Variants in HMX1 observed in about 807,000 individuals in gnomAD.
The protein encoded by HMX1 is homeobox protein HMX1.
HMX1 carries 8 observed loss-of-function variants against 8.9 expected under a neutral mutation model. That is an observed-to-expected ratio of 0.90 (90% CI 0.53 to 1.63). The LOEUF (loss-of-function observed/expected upper bound fraction) is 1.63. HMX1 is among the 40% of genes most tolerant of loss of function. The pLI is 0.00. For missense variants in HMX1, 621 were observed against 558.5 expected (o/e 1.11, Z -1.13); for synonymous variants, 311 against 283.4 (o/e 1.10, Z -0.98).
Position 8,868,325 on chromosome 4 carries a change from C to T in HMX1, c.415G>A (p.Glu139Lys). The T allele has an allele frequency of 7.1e-7, 1 of 1,409,872 alleles. No individual in the cohort carries two copies. The highest frequency in any genetic ancestry group is 9.2e-7 in the Non-Finnish European group (1 of 1,089,920). The allele number at this position is 1,409,872 out of a possible 1,614,324, so 87.3% of individuals were successfully genotyped here. The change falls in exon 2 of 2, where the codon GAG (glutamate) becomes AAG (lysine). Residue 139 changes from glutamate to lysine, a missense_variant. Transcript: ENST00000400677. This position sits in a 1 kb window ranked among gnomAD's most constrained non-coding sequence, Gnocchi z 4.6. ...GCACGGCCCATCTCCTCGCCCGTCT[C>T]CGGTGAGTCCCGGTCGCTGGCTGCA... ...SPDTSDRDSPETGEEMGRAEG... is the reference protein window; with the variant it reads ...SPDTSDRDSPKTGEEMGRAEG...
chr4:8,867,612 C>T lies in HMX1; in HGVS notation c.*81G>A, dbSNP rs1035397031. 1.4e-5 allele frequency: 17 copies of T among 1,196,086 alleles called. No individual in the cohort carries two copies. Among genetic ancestry groups the T allele is most frequent in the Non-Finnish European group, 1.8e-5 (17 of 964,634 alleles). 74.1% of individuals were successfully genotyped at this position (1,196,086 alleles called of 1,614,324 possible). A position where few individuals can be genotyped will look rare whatever the true frequency, so the allele number is the denominator to read the frequency against. Reference sequence around the variant, plus strand: ...GAGCGACCATCCCTTCCCTAACGCCCCCTGAGCCCTGCGCCTGCCGCTGAA... The same window carrying T: ...GAGCGACCATCCCTTCCCTAACGCCTCCTGAGCCCTGCGCCTGCCGCTGAA... On this transcript the variant is annotated 3_prime_UTR_variant, in exon 2 of 2. Coordinates refer to ENST00000400677, the MANE Select transcript of HMX1 (RefSeq NM_018942.3).
Position 8,871,483 on chromosome 4 carries a change from G to A in HMX1, c.132C>T (p.Asp44=), listed in dbSNP as rs1577202484. The change falls in exon 1 of 2, where the codon GAC becomes GAT. Residue 44 remains aspartate, a synonymous_variant. Coordinates refer to ENST00000400677, the MANE Select transcript of HMX1 (RefSeq NM_018942.3). This position sits in a 1 kb window ranked among gnomAD's most constrained non-coding sequence, Gnocchi z 4.8. ...CGGGGTCGTCGTCGTCCTCCTCCTC[G>A]TCCTCCCGGCTGCCGTCGCCCTGGG... ...RATQGDGSRE[D]EEEDDDDPED... is the part of the protein sequence containing the mutation. 6.7e-6 allele frequency: 9 copies of A among 1,337,776 alleles called. No individual in the cohort carries two copies. The East Asian group carries it at 2.6e-4, about 38-fold the overall frequency. 82.9% of individuals were successfully genotyped at this position (1,337,776 alleles called of 1,614,324 possible).
At chr4:8,851,342 C>T (rs1275543197) in intron 1 of HMX1, among the ~76,000 whole-genome samples, 1 of 152,192 alleles carries the variant, frequency 6.6e-6, no homozygotes, top group Non-Finnish European at 1.5e-5. Flanking sequence ...TTGGGAGAGA[C>T]CCAGGCCCTC....
intron 1 of HMX1, among the ~76,000 whole-genome samples, chr4:8,857,642 G>A (rs891168600): frequency 1.3e-5 from 2 of 152,244 alleles, no homozygotes; most frequent in South Asian, 4.1e-4. Context: ...AGCACGCAGG[G>A]GTCTCCCAGC....
Position 8,868,714 on chromosome 4 carries a change from G to C in HMX1, c.395-369C>G, listed in dbSNP as rs1560184988. Among the ~76,000 whole-genome samples, 1 of 152,082 alleles carries C rather than the reference G, an allele frequency of 6.6e-6. No individual in the cohort carries two copies. The highest frequency in any genetic ancestry group is 1.5e-5 in the Non-Finnish European group (1 of 68,012). ...CACTCCCCACTCCCAGCTGCACCAC[G>C]GGCGGCCCGGAAAAACACACAAACC... On this transcript the variant is annotated intron_variant, in intron 1 of 1. Coordinates refer to ENST00000400677, the MANE Select transcript of HMX1 (RefSeq NM_018942.3). The surrounding 1 kb of genome is among the most constrained non-coding windows in gnomAD (Gnocchi z 4.6).
chr4:8,856,680 TGAA>T (rs1233786365), intron 1 of HMX1, among the ~76,000 whole-genome samples: 1 of 152,260 alleles, frequency 6.6e-6, no homozygotes, highest in Non-Finnish European at 1.5e-5. Context: ...CTTCCCATTT[TGAA>T]GAAGGAGGGG....
chr4:8,866,841 C>G (rs570970652), downstream of HMX1, among the ~76,000 whole-genome samples: 1 of 152,214 alleles, frequency 6.6e-6, no homozygotes, highest in Non-Finnish European at 1.5e-5. Context: ...TCCCTACTCC[C>G]GGCTCCTGGC....
In HMX1 at chr4:8,868,065, C is replaced by G; in HGVS notation, c.675G>C (p.Lys225Asn). 6.5e-7 allele frequency: 1 copy of G among 1,540,262 alleles called. No homozygotes were observed. Among genetic ancestry groups the G allele is most frequent in the Middle Eastern group, 1.7e-4 (1 of 5,898 alleles). ...VFQLESTFDLKRYLSSAERAG... is the reference protein window; with the variant it reads ...VFQLESTFDLNRYLSSAERAG... The stretch of plus-strand genomic sequence containing the variant: ...CGCGCTCGGCGCTGCTCAGGTAGCG[C>G]TTCAGGTCGAAGGTGGATTCCAGCT... Residue 225 changes from lysine (K) to asparagine (N), a missense_variant, in exon 2 of 2, where the codon AAG becomes AAC. Lys to Asn is a moderately conservative substitution (Grantham distance 94). Coordinates refer to ENST00000400677, the MANE Select transcript of HMX1 (RefSeq NM_018942.3). This position sits in a 1 kb window ranked among gnomAD's most constrained non-coding sequence, Gnocchi z 4.6.
intron 1 of HMX1, among the ~76,000 whole-genome samples, chr4:8,869,628 T>C (rs1053807269): frequency 2.0e-5 from 3 of 152,190 alleles, no homozygotes; most frequent in African/African-American, 7.2e-5. Flanking sequence ...CCAATCCCCA[T>C]GGTGTGTGCC....
Position 8,868,775 on chromosome 4 carries a change from C to T in HMX1, c.395-430G>A, listed in dbSNP as rs1334228803. On this transcript the variant is annotated intron_variant, in intron 1 of 1. Transcript: ENST00000400677. The surrounding 1 kb of genome is among the most constrained non-coding windows in gnomAD (Gnocchi z 4.6). ...GTCCCGGGACAAGAGGAAAGATGTC[C>T]TTCCGAGAAATGTTCACACCGAAAA... 1.3e-5 allele frequency among the ~76,000 whole-genome samples: 2 copies of T among 152,160 alleles called. No homozygotes were observed. The highest frequency in any genetic ancestry group is 2.9e-5 in the Non-Finnish European group (2 of 68,032).
chr4:8,852,090 G>C (rs185044370), intron 1 of HMX1, among the ~76,000 whole-genome samples: 1 of 152,234 alleles, frequency 6.6e-6, no homozygotes. Flanking sequence ...CCAAGCCCCG[G>C]CTCTGGCTCC....
chr4:8,861,672 G>A (rs1184302525), intron 1 of HMX1, among the ~76,000 whole-genome samples: 1 of 152,198 alleles, frequency 6.6e-6, no homozygotes, highest in African/African-American at 2.4e-5. Flanking sequence ...CGGGCGGTTG[G>A]CGAAACCCGA....
downstream of HMX1, among the ~76,000 whole-genome samples, chr4:8,864,529 C>T (rs551807158): frequency 1.7e-3 from 262 of 152,330 alleles, 1 homozygote; most frequent in African/African-American, 5.7e-3. Flanking sequence ...GGTGCACCCG[C>T]GATCGATGGC....
rs1041593836 is a variant in HMX1, at chr4:8,870,103, G to T, written c.394+1118C>A. ...GTTATCTAACAAGTGAGTGAGGGTC[G>T]TAGGCCACTTACTCCCCAGCACACA... On this transcript the variant is annotated intron_variant, in intron 1 of 1. Transcript: ENST00000400677. The surrounding 1 kb of genome is among the most constrained non-coding windows in gnomAD (Gnocchi z 4.4). Among the ~76,000 whole-genome samples the T allele has an allele frequency of 6.6e-6, 1 of 152,040 alleles. No individual in the cohort carries two copies. Among genetic ancestry groups the T allele is most frequent in the East Asian group, 1.9e-4 (1 of 5,168 alleles).
chr4:8,868,314 C>G lies in HMX1; in HGVS notation c.426G>C (p.Glu142Asp). 7.0e-7 allele frequency: 1 copy of G among 1,436,110 alleles called. No individual in the cohort carries two copies. Among genetic ancestry groups the G allele is most frequent in the South Asian group, 1.4e-5 (1 of 69,870 alleles). The allele number at this position is 1,436,110 out of a possible 1,614,324, so 89.0% of individuals were successfully genotyped here. A position where few individuals can be genotyped will look rare whatever the true frequency, so the allele number is the denominator to read the frequency against. ...AGGCGCCCTCCGCACGGCCCATCTC[C>G]TCGCCCGTCTCCGGTGAGTCCCGGT... ...TSDRDSPETG[E>D]EMGRAEGAWP... Residue 142 changes from glutamate (E) to aspartate (D), a missense_variant, in exon 2 of 2, where the codon GAG (glutamate) becomes GAC (aspartate). By Grantham distance (45) the Glu-to-Asp change is conservative. Transcript: ENST00000400677. This position sits in a 1 kb window ranked among gnomAD's most constrained non-coding sequence, Gnocchi z 4.6.
In HMX1 at chr4:8,867,703, C is replaced by A; in HGVS notation, c.1037G>T (p.Gly346Val). The change falls in exon 2 of 2, where the codon GGC (glycine) becomes GTC (valine). Residue 346 changes from glycine to valine, a missense_variant. Transcript: ENST00000400677. ...SVPFLRAQMP[G>V]LV Reference sequence around the variant, plus strand: ...CCCGGCAGGCGGGGCTCACACCAGGCCAGGCATCTGCGCCCGCAGAAAGGG... The same window carrying A: ...CCCGGCAGGCGGGGCTCACACCAGGACAGGCATCTGCGCCCGCAGAAAGGG... 7.9e-7 allele frequency: 1 copy of A among 1,272,376 alleles called. No homozygotes were observed. The highest frequency in any genetic ancestry group is 9.9e-7 in the Non-Finnish European group (1 of 1,013,698). The allele number at this position is 1,272,376 out of a possible 1,614,324, so 78.8% of individuals were successfully genotyped here.
At chr4:8,857,234 G>A (rs1475152418) in intron 1 of HMX1, among the ~76,000 whole-genome samples, 1 of 152,248 alleles carries the variant, frequency 6.6e-6, no homozygotes, top group Non-Finnish European at 1.5e-5. Context: ...GTCGGGGACA[G>A]ATGGGGTTGG....
intron 1 of HMX1, among the ~76,000 whole-genome samples, chr4:8,862,009 T>G (rs1000985939): frequency 3.3e-5 from 5 of 152,202 alleles, no homozygotes; most frequent in Non-Finnish European, 7.3e-5. Context: ...TCAGCCCTTG[T>G]CCGTCCTCCC....
chr4:8,847,688 C>T lies in HMX1; in HGVS notation c.395-1364G>A, dbSNP rs1009486110. On this transcript the variant is annotated intron_variant, in intron 1 of 1. Coordinates refer to the HMX1 transcript ENST00000506970. This position sits in a 1 kb window ranked among gnomAD's most constrained non-coding sequence, Gnocchi z 6.0. ...GAGCTAGCAGTGCCCAGATTTGAAC[C>T]TGGAGCTGTGGTCTTTCCAGTATAT... Among the ~76,000 whole-genome samples, 1 of 152,234 alleles carries T rather than the reference C, an allele frequency of 6.6e-6. No homozygotes were observed. Among genetic ancestry groups the T allele is most frequent in the African/African-American group, 2.4e-5 (1 of 41,468 alleles).
Sources: allele counts gnomAD v4.1 joint callset (sites outside exome capture counted in the v4.1 genomes callset), GRCh38; gene constraint gnomAD v4.1.1; non-coding constraint Gnocchi (gnomAD v3.1); transcripts MANE v1.5; gene names NCBI Gene and HGNC (gene_info 2026-07-23, HGNC 2026-07-21).